The following PHACTR2 variants were observed in gnomAD, a reference collection of about 807,000 sequenced individuals.
The protein encoded by PHACTR2 is chromosome 6 open reading frame 56.
A neutral mutation model predicts 76.0 loss-of-function variants in PHACTR2; 30 were observed. The ratio of observed to expected loss-of-function variants is 0.39; its 90% CI spans 0.30 to 0.54. The LOEUF is 0.54. Among genes scored for constraint, PHACTR2 ranks in the 20% least tolerant of loss-of-function variants. The probability of loss-of-function intolerance (pLI) is 0.61; values close to 1 mark genes in which losing one functional copy is unlikely to be tolerated. For missense variants in PHACTR2, 696 were observed against 781.1 expected (o/e 0.89, Z 1.30); for synonymous variants, 292 against 292.5 (o/e 1.00, Z 0.02).
intron 2 of PHACTR2, among the ~76,000 whole-genome samples, chr6:143,737,496 A>G (rs1582826229): frequency 6.6e-6 from 1 of 152,214 alleles, no homozygotes; most frequent in East Asian, 1.9e-4. Flanking sequence ...TAAGATAAAT[A>G]TATTCTTCCT....
chr6:143,650,414 G>A (rs12199447), intron 1 of PHACTR2, among the ~76,000 whole-genome samples: 25,611 of 152,098 alleles, frequency 0.17, 2,585 homozygotes, highest in Middle Eastern at 0.24. Context: ...AAAGCTGGAG[G>A]CATCACCCTA....
intron 1 of PHACTR2, among the ~76,000 whole-genome samples, chr6:143,643,019 G>A (rs1243123043): frequency 1.3e-5 from 2 of 152,092 alleles, no homozygotes; most frequent in Non-Finnish European, 2.9e-5. Flanking sequence ...AAAATACAAA[G>A]CAAAAGACTG....
intron 1 of PHACTR2, among the ~76,000 whole-genome samples, chr6:143,587,553 G>A (rs9496685): frequency 0.7 from 106,699 of 151,904 alleles, 37,873 homozygotes; most frequent in Middle Eastern, 0.8. Context: ...CTTGGGGCAA[G>A]TGGAATGATT....
chr6:143,735,604 C>A (rs1315685035), intron 2 of PHACTR2, among the ~76,000 whole-genome samples: 1 of 152,014 alleles, frequency 6.6e-6, no homozygotes, highest in African/African-American at 2.4e-5. Context: ...CCCACCCCAC[C>A]ACTTACCCTC....
chr6:143,685,780 A>T (rs1017751998), intron 1 of PHACTR2, among the ~76,000 whole-genome samples: 1 of 152,040 alleles, frequency 6.6e-6, no homozygotes, highest in Non-Finnish European at 1.5e-5. Context: ...GTTTTGTGGT[A>T]ATTTAAATTG....
intron 11 of PHACTR2, among the ~76,000 whole-genome samples, chr6:143,796,868 C>T (rs1261503387): frequency 6.6e-6 from 1 of 152,198 alleles, no homozygotes; most frequent in South Asian, 2.1e-4. Flanking sequence ...CCTCAGTAAA[C>T]ATACATGTGC....
At chr6:143,714,010 G>T (rs1778245372) in intron 2 of PHACTR2, among the ~76,000 whole-genome samples, 1 of 152,166 alleles carries the variant, frequency 6.6e-6, no homozygotes, top group Non-Finnish European at 1.5e-5. Flanking sequence ...TATTCAGTTG[G>T]TGCAAAAGTA....
At chr6:143,686,803 G>A (rs553181913) in intron 1 of PHACTR2, among the ~76,000 whole-genome samples, 1 of 152,206 alleles carries the variant, frequency 6.6e-6, no homozygotes, top group East Asian at 1.9e-4. Flanking sequence ...CATTCTTGAA[G>A]AGTTAGTGTG....
At position 143,656,947 on chromosome 6, in the gene PHACTR2, G is replaced by C. The variant is rs917311895; in HGVS notation, c.13+48625G>C. 6.6e-6 allele frequency among the ~76,000 whole-genome samples: 1 copy of C among 152,128 alleles called. No individual in the cohort carries two copies. Among genetic ancestry groups the C allele is most frequent in the African/African-American group, 2.4e-5 (1 of 41,442 alleles). Reference sequence around the variant, plus strand: ...CAACCATAAGTTCAACTTGAACTAAGTTTGATGTGGCTACTTTTTATTTTT... The same window carrying C: ...CAACCATAAGTTCAACTTGAACTAACTTTGATGTGGCTACTTTTTATTTTT... On this transcript the variant is annotated intron_variant, in intron 1 of 11. Coordinates refer to the PHACTR2 transcript ENST00000305766. This position sits in a 1 kb window ranked among gnomAD's most constrained non-coding sequence, Gnocchi z 5.3.
chr6:143,820,189 G>C lies in PHACTR2; in HGVS notation c.1923-3485G>C, dbSNP rs1287350477. On this transcript the variant is annotated intron_variant, in intron 12 of 12. Coordinates refer to ENST00000440869, the MANE Select transcript of PHACTR2 (RefSeq NM_001100164.2). The surrounding 1 kb of genome is among the most constrained non-coding windows in gnomAD (Gnocchi z 4.2). ...GGATTATATTCCAACATGAGATTTG[G>C]CAGGGACAAATATCCAAACTGTATC... Among the ~76,000 whole-genome samples, 2 of 152,118 alleles carry C rather than the reference G, an allele frequency of 1.3e-5. No homozygotes were observed. Among genetic ancestry groups the C allele is most frequent in the Non-Finnish European group, 2.9e-5 (2 of 68,026 alleles).
chr6:143,772,503 G>A lies in PHACTR2; in HGVS notation c.1432+46G>A. On this transcript the variant is annotated intron_variant, in intron 7 of 12. Coordinates refer to ENST00000440869, the MANE Select transcript of PHACTR2 (RefSeq NM_001100164.2). The surrounding 1 kb of genome is among the most constrained non-coding windows in gnomAD (Gnocchi z 5.4). Reference sequence around the variant, plus strand: ...CAGGGAGGAGCGTGGGTGATAAGCAGAAGCAGCTGCAGTTTATAAAGAATA... The same window carrying A: ...CAGGGAGGAGCGTGGGTGATAAGCAAAAGCAGCTGCAGTTTATAAAGAATA... 1 of 1,374,094 alleles carries A rather than the reference G, an allele frequency of 7.3e-7. No individual in the cohort carries two copies. The highest frequency in any genetic ancestry group is 1.0e-6 in the Non-Finnish European group (1 of 972,858). The allele number at this position is 1,374,094 out of a possible 1,614,324, so 85.1% of individuals were successfully genotyped here.
chr6:143,575,576 A>G (rs1775496387), intron 1 of PHACTR2, among the ~76,000 whole-genome samples: 4 of 152,224 alleles, frequency 2.6e-5, no homozygotes, highest in Admixed American at 2.0e-4. Context: ...CCAATGTAAT[A>G]CTGGTAAGAC....
rs1336852677 is a variant in PHACTR2 at position 143,689,299 on chromosome 6, C to G, written c.46+11090C>G. 4.6e-5 allele frequency among the ~76,000 whole-genome samples: 7 copies of G among 152,166 alleles called. No homozygotes were observed. The highest frequency in any genetic ancestry group is 1.0e-4 in the Non-Finnish European group (7 of 68,044). On this transcript the variant is annotated intron_variant, in intron 1 of 12. Transcript: ENST00000440869. This position sits in a 1 kb window ranked among gnomAD's most constrained non-coding sequence, Gnocchi z 4.4. ...GTCTCTCTTTTCTAGAACATAAGCT[C>G]CATGATCTAAAAGACGTTATCTGTC...
At chr6:143,703,115 C>T (rs1777953930) in intron 1 of PHACTR2, among the ~76,000 whole-genome samples, 1 of 145,446 alleles carries the variant, frequency 6.9e-6, no homozygotes, top group Non-Finnish European at 1.5e-5. Context: ...TTGAGACCAG[C>T]CTGGACAACA....
Position 143,764,972 on chromosome 6 carries a change from C to T in PHACTR2, c.695-289C>T, listed in dbSNP as rs188097153. On this transcript the variant is annotated intron_variant, in intron 5 of 12. Coordinates refer to ENST00000440869, the MANE Select transcript of PHACTR2 (RefSeq NM_001100164.2). This position sits in a 1 kb window ranked among gnomAD's most constrained non-coding sequence, Gnocchi z 4.7. ...TTTCAAGTGAACCATAGACAAGGGG[C>T]AGAAGATTCTCCCTTTGGCTGGCTC... Among the ~76,000 whole-genome samples, 64 of 152,176 alleles carry T rather than the reference C, an allele frequency of 4.2e-4. No homozygotes were observed. The East Asian group carries it at 0.011, about 26-fold the overall frequency.
chr6:143,808,486 G>A (rs1039558922), intron 12 of PHACTR2, among the ~76,000 whole-genome samples: 2 of 151,988 alleles, frequency 1.3e-5, no homozygotes, highest in African/African-American at 2.4e-5. Context: ...ATAACACAGA[G>A]CATAAAACGA....
chr6:143,670,832 C>G (rs946316141), intron 1 of PHACTR2, among the ~76,000 whole-genome samples: 6 of 152,136 alleles, frequency 3.9e-5, no homozygotes, highest in Non-Finnish European at 5.9e-5. Context: ...CCTTTTGAAG[C>G]CTACTTCTAT....
intron 12 of PHACTR2, among the ~76,000 whole-genome samples, chr6:143,808,558 G>T (rs1776111585): frequency 6.6e-6 from 1 of 152,036 alleles, no homozygotes; most frequent in East Asian, 1.9e-4. Flanking sequence ...GTAATCTAAA[G>T]ATTATTTAAA....
At position 143,664,717 on chromosome 6, in the gene PHACTR2, G is replaced by A. The variant is rs1777004047; in HGVS notation, c.14-47299G>A. On this transcript the variant is annotated intron_variant, in intron 1 of 11. Coordinates refer to the PHACTR2 transcript ENST00000305766. The surrounding 1 kb of genome is among the most constrained non-coding windows in gnomAD (Gnocchi z 5.1). ...GATAGTTTATTAAATTCACCATCATGTCCTCACTTTCTGTGCTCACTGTTG... is the reference window on the plus strand; with the variant it reads ...GATAGTTTATTAAATTCACCATCATATCCTCACTTTCTGTGCTCACTGTTG... Among the ~76,000 whole-genome samples, 1 of 152,060 alleles carries A rather than the reference G, an allele frequency of 6.6e-6. No individual in the cohort carries two copies. The highest frequency in any genetic ancestry group is 1.5e-5 in the Non-Finnish European group (1 of 68,006).
Sources: gnomAD v4.1 joint callset for allele counts (sites outside exome capture counted in the v4.1 genomes callset) on GRCh38, gnomAD v4.1.1 for gene constraint, Gnocchi (gnomAD v3.1) non-coding constraint, MANE v1.5 for transcripts, NCBI Gene and HGNC (gene_info 2026-07-23, HGNC 2026-07-21) for gene names.